FAM240C: variants seen among roughly 807,000 people sequenced by gnomAD.
The protein encoded by FAM240C is family with sequence similarity 240 member C.
FAM240C carries 14 observed loss-of-function variants against 10.0 expected under a neutral mutation model. The observed-to-expected ratio is 1.40, with a 90% CI of 0.92 to 2.19. The LOEUF is 2.19. Ranked by LOEUF, FAM240C falls within the 30% of genes most tolerant of loss-of-function variation. The pLI, the probability that FAM240C is intolerant of heterozygous loss-of-function variation, is 0.00. For synonymous variants in FAM240C, 49 were observed against 44.3 expected, an observed-to-expected ratio of 1.11 and a Z score of -0.42; for missense variants, 154 against 122.3, an observed-to-expected ratio of 1.26 and a Z score of -1.22.
intron 2 of FAM240C, among the ~76,000 whole-genome samples, chr2:241,895,596 G>A (rs1250748035): frequency 1.3e-5 from 2 of 152,192 alleles, no homozygotes; most frequent in East Asian, 3.9e-4. Flanking sequence ...ACTCTCTAAC[G>A]GGAACCCTAA....
chr2:241,899,477 A>T, intron 1 of FAM240C: 1 of 395,268 alleles, frequency 2.5e-6, no homozygotes, highest in Non-Finnish European at 3.4e-6. Context: ...GATGCACGGA[A>T]CCCACCAGTC....
At chr2:241,902,147 C>T (rs1701997331), upstream of FAM240C, among the ~76,000 whole-genome samples, 1 of 152,126 alleles carries the variant, frequency 6.6e-6, no homozygotes, top group Non-Finnish European at 1.5e-5. This position sits in a 1 kb window ranked among gnomAD's most constrained non-coding sequence, Gnocchi z 7.1. Flanking sequence ...GCGTTTCTTC[C>T]TCTTTCCTGA....
chr2:241,897,477 G>A (rs1021146121), intron 1 of FAM240C, 143 bp from the exon 2 acceptor site: 12 of 989,678 alleles, frequency 1.2e-5, no homozygotes, highest in African/African-American at 3.3e-5. Context: ...GGGGGATGGC[G>A]GAGGCTGCCC....
intron 1 of FAM240C, chr2:241,899,142 C>A: frequency 1.0e-5 from 13 of 1,304,272 alleles, no homozygotes; most frequent in Non-Finnish European, 1.3e-5. Flanking sequence ...GGTAAGGGTG[C>A]CTTCTGGAGC....
At chr2:241,895,317 C>T (rs367604860) in intron 2 of FAM240C, among the ~76,000 whole-genome samples, 14 of 152,250 alleles carry the variant, frequency 9.2e-5, no homozygotes, top group Non-Finnish European at 1.6e-4. Context: ...TTGGCGCCTC[C>T]GGGCCTGGAG....
chr2:241,894,186 C>G lies in FAM240C; in HGVS notation c.*27G>C, dbSNP rs1054760948. 1.3e-5 allele frequency: 20 copies of G among 1,542,830 alleles called. No homozygotes were observed. Among genetic ancestry groups the G allele is most frequent in the Non-Finnish European group, 1.7e-5 (19 of 1,141,236 alleles). On this transcript the variant is annotated 3_prime_UTR_variant, in exon 3 of 3. Transcript: ENST00000404031. ...CCTTCTCCATGACCCTCCGGAAGCT[C>G]ATGCAGAGTCTGGAGCTCGTGGGCC...
intron 2 of FAM240C, among the ~76,000 whole-genome samples, chr2:241,896,643 A>G (rs181049181): frequency 0.091 from 306 of 3,346 alleles, 7 homozygotes; most frequent in East Asian, 0.2. Flanking sequence ...GTGTGGGTGA[A>G]GGGGTGTGGG....
In FAM240C at chr2:241,897,204, C is replaced by T. The variant is rs118049133; in HGVS notation, c.143G>A (p.Arg48His). The change falls in exon 2 of 3, where the codon CGC becomes CAC. Residue 48 changes from arginine (R) to histidine (H), a missense_variant. By Grantham distance (29) the Arg-to-His change is conservative. Transcript: ENST00000404031. ...GACTCACTTGTTCAGAGCGCTTCTGCGAACCCTGATGTCCTCGTTCTGCAG... is the reference window on the plus strand; with the variant it reads ...GACTCACTTGTTCAGAGCGCTTCTGTGAACCCTGATGTCCTCGTTCTGCAG... ...RHLQNEDIRV[R>H]RSALNKLRVG... The T allele has an allele frequency of 4.8e-4, 741 of 1,549,806 alleles. 8 individuals carry two copies. The East Asian group carries it at 0.015, about 32-fold the overall frequency.
At chr2:241,899,945 T>C (rs572653854) in intron 1 of FAM240C, among the ~76,000 whole-genome samples, 6 of 152,128 alleles carry the variant, frequency 3.9e-5, no homozygotes, top group Admixed American at 3.3e-4. Context: ...TGGGCGCCTG[T>C]AGTCCCAGCT....
intron 2 of FAM240C, among the ~76,000 whole-genome samples, chr2:241,894,698 T>C (rs1402045843): frequency 6.6e-6 from 1 of 152,068 alleles, no homozygotes; most frequent in Admixed American, 6.5e-5. Context: ...GTGCCTGAGC[T>C]TGAGCTCTTG....
At position 241,894,259 on chromosome 2, in the gene FAM240C, G is replaced by C; in HGVS notation, c.242C>G (p.Pro81Arg). 1 of 1,549,982 alleles carries C rather than the reference G, an allele frequency of 6.5e-7. No individual in the cohort carries two copies. The highest frequency in any genetic ancestry group is 1.4e-5 in the African/African-American group (1 of 73,146). ...GGTGTGGAGGGACTCAGTGGCCTCC[G>C]GGACCCTGTCTGGGCATCTCCCTGG... ...QGPGRCPDRV[P>R]EATESLHTKD... The change falls in exon 3 of 3, where the codon CCG becomes CGG. Residue 81 changes from proline (P) to arginine (R), a missense_variant. Transcript: ENST00000404031.
chr2:241,895,333 G>A (rs371365132), intron 2 of FAM240C, among the ~76,000 whole-genome samples: 6 of 152,368 alleles, frequency 3.9e-5, no homozygotes, highest in African/African-American at 7.2e-5. Flanking sequence ...TGGAGTCCTC[G>A]GCCCTCACAG....
chr2:241,901,434 A>G (rs556958813), upstream of FAM240C, among the ~76,000 whole-genome samples: 21 of 152,348 alleles, frequency 1.4e-4, no homozygotes, highest in African/African-American at 5.0e-4. The surrounding 1 kb of genome is among the most constrained non-coding windows in gnomAD (Gnocchi z 4.9). Flanking sequence ...GTTTACTATC[A>G]TAAAGCAGAC....
chr2:241,897,078 C>T (rs975121771), intron 2 of FAM240C, 108 bp downstream of exon 2: 1 of 1,260,746 alleles, frequency 7.9e-7, no homozygotes, highest in South Asian at 1.5e-5. Context: ...TCATGGTGGG[C>T]TGAGGGCCAG....
chr2:241,896,544 T>A (rs1190804243), intron 2 of FAM240C, among the ~76,000 whole-genome samples: 1,189 of 62,868 alleles, frequency 0.019, no homozygotes, highest in Non-Finnish European at 0.028. Flanking sequence ...GGTGTGGGTG[T>A]TGGGGTGTGT....
At chr2:241,894,810 C>T (rs547435342) in intron 2 of FAM240C, among the ~76,000 whole-genome samples, 94 of 152,320 alleles carry the variant, frequency 6.2e-4, no homozygotes, top group African/African-American at 2.2e-3. Flanking sequence ...GCACCCTGCC[C>T]GGCTGCCTGT....
chr2:241,899,087 G>T (rs989980206), intron 1 of FAM240C: 1 of 1,291,970 alleles, frequency 7.7e-7, no homozygotes, highest in Non-Finnish European at 1.0e-6. Flanking sequence ...GCTGAGACCC[G>T]CGGGCTCGTT....
chr2:241,901,687 G>T (rs760665635), upstream of FAM240C, among the ~76,000 whole-genome samples: 1 of 152,164 alleles, frequency 6.6e-6, no homozygotes. The surrounding 1 kb of genome is among the most constrained non-coding windows in gnomAD (Gnocchi z 4.9). Context: ...GGAAGACGCC[G>T]GTGAGAACCA....
At chr2:241,894,581 G>T (rs1481175501) in intron 2 of FAM240C, among the ~76,000 whole-genome samples, 9 of 146,564 alleles carry the variant, frequency 6.1e-5, no homozygotes, top group East Asian at 2.0e-4. Flanking sequence ...GGTGGGGGGG[G>T]GGGGGGGCGT....
Sources: gnomAD v4.1 joint callset for allele counts (sites outside exome capture counted in the v4.1 genomes callset) on GRCh38, gnomAD v4.1.1 for gene constraint, Gnocchi (gnomAD v3.1) non-coding constraint, MANE v1.5 for transcripts, NCBI Gene and HGNC (gene_info 2026-07-23, HGNC 2026-07-21) for gene names.